The following ADAMTSL1 variants were observed in gnomAD, a reference collection of about 807,000 sequenced individuals.
The protein encoded by ADAMTSL1 is ADAMTS-like protein 1.
A neutral mutation model predicts 201.8 loss-of-function variants in ADAMTSL1; 126 were observed. The observed-to-expected ratio is 0.62, with a 90% CI of 0.54 to 0.72. The LOEUF is 0.72. Among genes scored for constraint, ADAMTSL1 ranks in the 30% least tolerant of loss-of-function variants. ADAMTSL1 has a pLI of 0.00. For synonymous variants in ADAMTSL1, 1,121 were observed against 903.4 expected (o/e 1.24, Z -4.32); for missense variants, 2,679 against 2,277.8 (o/e 1.18, Z -3.59).
chr9:18,566,968 T>TGG (rs1171590293), intron 3 of ADAMTSL1, among the ~76,000 whole-genome samples: 2 of 152,206 alleles, frequency 1.3e-5, no homozygotes, highest in African/African-American at 2.4e-5. Flanking sequence ...AATATGGCTC[T>TGG]AAGGCAGTGG....
intron 2 of ADAMTSL1, among the ~76,000 whole-genome samples, chr9:18,328,338 T>A (rs530074961): frequency 1.3e-5 from 2 of 152,348 alleles, no homozygotes; most frequent in South Asian, 4.1e-4. Flanking sequence ...ATCAGTTATT[T>A]TCCTGTTTGT....
At position 18,411,516 on chromosome 9, in the gene ADAMTSL1, A is replaced by G. The variant is rs575822106; in HGVS notation, c.208-93313A>G. 2.6e-5 allele frequency among the ~76,000 whole-genome samples: 4 copies of G among 152,288 alleles called. No homozygotes were observed. In the South Asian group the frequency reaches 6.2e-4, roughly 24 times the overall value. On this transcript the variant is annotated intron_variant, in intron 2 of 29. Coordinates refer to the ADAMTSL1 transcript ENST00000680146. ...ACCTGGCCTGATGGGTAGATTTTCT[A>G]TGTGAAACAGACCTTAAATTTTTTC...
intron 3 of ADAMTSL1, among the ~76,000 whole-genome samples, chr9:18,547,175 C>G (rs1348671643): frequency 6.6e-6 from 1 of 152,010 alleles, no homozygotes; most frequent in Non-Finnish European, 1.5e-5. Flanking sequence ...TTTGTACTCT[C>G]AAATGTTTTA....
At chr9:18,282,997 C>G (rs1448552704) in intron 2 of ADAMTSL1, among the ~76,000 whole-genome samples, 2 of 152,234 alleles carry the variant, frequency 1.3e-5, no homozygotes, top group African/African-American at 2.4e-5. Context: ...ATCTTCTGTA[C>G]CTTTTCTGAA....
intron 1 of ADAMTSL1, among the ~76,000 whole-genome samples, chr9:18,066,992 TG>T (rs1822733949): frequency 6.6e-6 from 1 of 150,932 alleles, no homozygotes. Flanking sequence ...TGTTGTGGGG[TG>T]GGGGGAGAGA....
At chr9:18,097,486 C>T in intron 1 of ADAMTSL1, among the ~76,000 whole-genome samples, 1 of 152,254 alleles carries the variant, frequency 6.6e-6, no homozygotes, top group East Asian at 1.9e-4. Context: ...TTATAAGAAA[C>T]TTCCAGTGTA....
chr9:18,227,407 T>C (rs1197268232), intron 2 of ADAMTSL1, among the ~76,000 whole-genome samples: 1 of 152,204 alleles, frequency 6.6e-6, no homozygotes, highest in African/African-American at 2.4e-5. Flanking sequence ...AATGCTACAG[T>C]AGAGGTACAT....
At position 18,590,301 on chromosome 9, in the gene ADAMTSL1, T is replaced by C. The variant is rs372520885; in HGVS notation, c.474+16035T>C. Reference sequence around the variant, plus strand: ...ATTTCTAGGTTTTCCAATTTATTGGTATATAATTGTTTATAATAGTCTAAT... The same window carrying C: ...ATTTCTAGGTTTTCCAATTTATTGGCATATAATTGTTTATAATAGTCTAAT... On this transcript the variant is annotated intron_variant, in intron 4 of 28. Transcript: ENST00000380548. Among the ~76,000 whole-genome samples, 69 of 152,224 alleles carry C rather than the reference T, an allele frequency of 4.5e-4. No homozygotes were observed. The East Asian group carries it at 0.01, about 22-fold the overall frequency.
intron 3 of ADAMTSL1, among the ~76,000 whole-genome samples, chr9:18,555,241 T>C (rs1376754012): frequency 6.6e-6 from 1 of 151,902 alleles, no homozygotes; most frequent in Non-Finnish European, 1.5e-5. Flanking sequence ...TAAAGACTGT[T>C]AGAATGGAAA....
intron 1 of ADAMTSL1, among the ~76,000 whole-genome samples, chr9:17,929,031 T>C (rs752239849): frequency 5.9e-5 from 9 of 151,976 alleles, no homozygotes; most frequent in African/African-American, 1.7e-4. Context: ...TGTGTTTGAG[T>C]TGGTAGAAGG....
intron 3 of ADAMTSL1, among the ~76,000 whole-genome samples, chr9:18,563,068 A>G (rs1055624501): frequency 7.9e-5 from 12 of 152,134 alleles, no homozygotes; most frequent in African/African-American, 2.4e-4. Context: ...GCTGGCAAGG[A>G]GTTGTGATCC....
At chr9:18,745,667 G>A (rs1257326790) in intron 15 of ADAMTSL1, among the ~76,000 whole-genome samples, 3 of 152,104 alleles carry the variant, frequency 2.0e-5, no homozygotes, top group Non-Finnish European at 4.4e-5. Flanking sequence ...TATATGTATA[G>A]TTGTATATAC....
intron 1 of ADAMTSL1, among the ~76,000 whole-genome samples, chr9:17,938,434 C>T (rs971891967): frequency 6.6e-6 from 1 of 152,126 alleles, no homozygotes; most frequent in Non-Finnish European, 1.5e-5. Context: ...TGCCGGGCAT[C>T]TTTACTGTCC....
rs141183628 is a variant in ADAMTSL1 at position 18,655,398 on chromosome 9, G to A, written c.835-2241G>A. 6.6e-4 allele frequency among the ~76,000 whole-genome samples: 100 copies of A among 152,262 alleles called. 2 individuals carry two copies. In the East Asian group the frequency reaches 0.018, roughly 28 times the overall value. On this transcript the variant is annotated intron_variant, in intron 7 of 28. Transcript: ENST00000380548. ...TGAAACATTGTGATTATAGAAAGAA[G>A]AGCTTGGTTCAAATACTCTTTTTTA...
chr9:18,478,724 C>G (rs745406636), intron 1 of ADAMTSL1, among the ~76,000 whole-genome samples: 1 of 152,076 alleles, frequency 6.6e-6, no homozygotes, highest in Non-Finnish European at 1.5e-5. Context: ...GCATAAGGAC[C>G]GGAGCCTTTT....
At chr9:18,386,467 A>G (rs968864354) in intron 2 of ADAMTSL1, among the ~76,000 whole-genome samples, 11 of 152,200 alleles carry the variant, frequency 7.2e-5, no homozygotes, top group African/African-American at 2.7e-4. Context: ...ATTTGCTATC[A>G]GACTTCTTCA....
At chr9:18,453,949 G>A (rs562148023) in intron 2 of ADAMTSL1, among the ~76,000 whole-genome samples, 1 of 152,138 alleles carries the variant, frequency 6.6e-6, no homozygotes, top group Admixed American at 6.5e-5. Flanking sequence ...AGAACCACTC[G>A]TAGTACCAAA....
At chr9:18,573,998 C>G (rs1471638811) in intron 3 of ADAMTSL1, 32 bp from the exon 4 acceptor site, 1 of 1,587,400 alleles carries the variant, frequency 6.3e-7, no homozygotes, top group Non-Finnish European at 8.6e-7. Context: ...TCCTCCTAAC[C>G]TTTGTATGTC....
intron 16 of ADAMTSL1, among the ~76,000 whole-genome samples, chr9:18,764,512 C>A (rs1184707643): frequency 6.6e-6 from 1 of 152,126 alleles, no homozygotes; most frequent in Non-Finnish European, 1.5e-5. Flanking sequence ...CTGCTCTAGC[C>A]AGGACAAGAA....
Sources: allele counts gnomAD v4.1 joint callset (sites outside exome capture counted in the v4.1 genomes callset), GRCh38; gene constraint gnomAD v4.1.1; transcripts MANE v1.5; gene names NCBI Gene and HGNC (gene_info 2026-07-23, HGNC 2026-07-21).